The following CCDC146 variants were observed in gnomAD, a reference collection of about 807,000 sequenced individuals.
The protein encoded by CCDC146 is coiled-coil domain containing 146.
A neutral mutation model predicts 119.3 loss-of-function variants in CCDC146; 92 were observed. That is an observed-to-expected ratio of 0.77 (90% CI 0.65 to 0.92). The LOEUF is 0.92. Ranked by LOEUF, CCDC146 falls within the 40% of genes least tolerant of loss-of-function variation. The pLI is 0.00. For synonymous variants in CCDC146, 372 were observed against 371.8 expected (o/e 1.00, Z -0.01); for missense variants, 1,000 against 1,103.0 (o/e 0.91, Z 1.32).
intron 2 of CCDC146, among the ~76,000 whole-genome samples, chr7:77,205,888 G>C (rs1333390505): frequency 6.6e-6 from 1 of 152,048 alleles, no homozygotes; most frequent in Admixed American, 6.5e-5. Context: ...TGAGTCAGAG[G>C]CCATTTTAAA....
chr7:77,233,429 T>C (rs187006031), intron 2 of CCDC146, among the ~76,000 whole-genome samples: 102 of 152,194 alleles, frequency 6.7e-4, no homozygotes, highest in African/African-American at 2.1e-3. Flanking sequence ...TTCATCAAAC[T>C]CTTCATCCCA....
At chr7:77,159,123 A>C (rs1354094172) in intron 1 of CCDC146, among the ~76,000 whole-genome samples, 1 of 152,164 alleles carries the variant, frequency 6.6e-6, no homozygotes, top group African/African-American at 2.4e-5. Flanking sequence ...ATCACCATCC[A>C]AAGTTTTATC....
At chr7:77,263,722 A>G (rs1793346823) in intron 9 of CCDC146, among the ~76,000 whole-genome samples, 1 of 152,194 alleles carries the variant, frequency 6.6e-6, no homozygotes, top group Non-Finnish European at 1.5e-5. Flanking sequence ...TCAGAAGTTC[A>G]AGACCAGCCT....
intron 1 of CCDC146, among the ~76,000 whole-genome samples, chr7:77,135,555 T>C (rs140390440): frequency 2.6e-5 from 4 of 152,308 alleles, no homozygotes; most frequent in East Asian, 3.9e-4. Flanking sequence ...TGTTTTTCCA[T>C]AGGAACTTGT....
Position 77,287,580 on chromosome 7 carries a change from AG to A in CCDC146, c.2415+5del. ...ACACACTGCTCTTAGCCAAGAAGGT[AG>A]GCCTGAGACCCTGCCTTTTCCCTTC... On this transcript the variant is annotated splice_donor_region_variant and intron_variant, in intron 17 of 18. Coordinates refer to ENST00000285871, the MANE Select transcript of CCDC146 (RefSeq NM_020879.3). 1 of 1,612,888 alleles carries A rather than the reference AG, an allele frequency of 6.2e-7. No individual in the cohort carries two copies. The highest frequency in any genetic ancestry group is 1.3e-5 in the African/African-American group (1 of 75,014).
At chr7:77,245,821 G>A (rs558143025) in intron 4 of CCDC146, among the ~76,000 whole-genome samples, 2 of 151,920 alleles carry the variant, frequency 1.3e-5, no homozygotes, top group South Asian at 4.2e-4. Flanking sequence ...AGGTACTCAG[G>A]AGTAGTCACA....
intron 1 of CCDC146, among the ~76,000 whole-genome samples, chr7:77,164,888 A>G (rs1390178118): frequency 1.3e-5 from 2 of 152,204 alleles, no homozygotes; most frequent in African/African-American, 4.8e-5. Flanking sequence ...AGCCAATCCA[A>G]TGAGATTGAC....
intron 1 of CCDC146, among the ~76,000 whole-genome samples, chr7:77,132,751 TAAAC>T (rs1790803419): frequency 6.6e-6 from 1 of 150,672 alleles, no homozygotes; most frequent in African/African-American, 2.4e-5. Flanking sequence ...AATAAGTAAA[TAAAC>T]AAATAAATAA....
chr7:77,193,614 T>C (rs1791810215), intron 2 of CCDC146: 1 of 152,194 alleles, frequency 6.6e-6, no homozygotes, highest in African/African-American at 2.4e-5. Flanking sequence ...ATGTTTTGTA[T>C]ATTTAAGCTC....
At chr7:77,179,116 C>A (rs957302032) in intron 2 of CCDC146, among the ~76,000 whole-genome samples, 4 of 151,884 alleles carry the variant, frequency 2.6e-5, no homozygotes, top group African/African-American at 7.3e-5. Context: ...AAGACAATTA[C>A]TAAAGTTTTC....
chr7:77,288,992 C>T (rs1475738229), intron 17 of CCDC146, among the ~76,000 whole-genome samples: 2 of 152,122 alleles, frequency 1.3e-5, no homozygotes, highest in Non-Finnish European at 2.9e-5. Context: ...GACTATTATG[C>T]TTCTGCTCTG....
chr7:77,161,079 A>G (rs1006784135), intron 1 of CCDC146, among the ~76,000 whole-genome samples: 1 of 152,238 alleles, frequency 6.6e-6, no homozygotes, highest in Non-Finnish European at 1.5e-5. Flanking sequence ...AATCAAAACC[A>G]CAATGAGATA....
chr7:77,266,143 G>A (rs903572880), intron 9 of CCDC146, among the ~76,000 whole-genome samples: 6 of 152,164 alleles, frequency 3.9e-5, no homozygotes, highest in Non-Finnish European at 8.8e-5. Flanking sequence ...AATATCATGA[G>A]TCTGTGAAGT....
At position 77,205,925 on chromosome 7, in the gene CCDC146, A is replaced by G. The variant is rs1054670967; in HGVS notation, c.157-31022A>G. On this transcript the variant is annotated intron_variant, in intron 2 of 18. Coordinates refer to ENST00000285871, the MANE Select transcript of CCDC146 (RefSeq NM_020879.3). Reference sequence around the variant, plus strand: ...AGCGAAATCACCAAGAAAAAGCACAAGAATGTGAAAAACATGGCACTAATT... The same window carrying G: ...AGCGAAATCACCAAGAAAAAGCACAGGAATGTGAAAAACATGGCACTAATT... 2.0e-5 allele frequency among the ~76,000 whole-genome samples: 3 copies of G among 152,264 alleles called. No individual in the cohort carries two copies. In the South Asian group the frequency reaches 6.2e-4, roughly 31 times the overall value.
chr7:77,184,973 A>C (rs1353247664), intron 2 of CCDC146, among the ~76,000 whole-genome samples: 2 of 152,160 alleles, frequency 1.3e-5, no homozygotes, highest in Non-Finnish European at 2.9e-5. Flanking sequence ...GAGGTTTACT[A>C]TGTGTATCTG....
chr7:77,246,120 G>C (rs1792945259), intron 4 of CCDC146, among the ~76,000 whole-genome samples: 1 of 151,730 alleles, frequency 6.6e-6, no homozygotes, highest in African/African-American at 2.4e-5. Context: ...GGGTTCCAAA[G>C]GTGGTTCTCA....
chr7:77,240,980 TTG>T (rs1792832970), intron 3 of CCDC146, among the ~76,000 whole-genome samples: 1 of 149,904 alleles, frequency 6.7e-6, no homozygotes, highest in African/African-American at 2.5e-5. Flanking sequence ...TTGTTTTTTT[TTG>T]TTTGTTTGTT....
At position 77,176,956 on chromosome 7, in the gene CCDC146, C is replaced by A. The variant is rs1311744750; in HGVS notation, c.156+9132C>A. 2.6e-5 allele frequency among the ~76,000 whole-genome samples: 4 copies of A among 151,622 alleles called. No individual in the cohort carries two copies. The East Asian group carries it at 7.8e-4, about 29-fold the overall frequency. On this transcript the variant is annotated intron_variant, in intron 2 of 18. Coordinates refer to ENST00000285871, the MANE Select transcript of CCDC146 (RefSeq NM_020879.3). The stretch of plus-strand genomic sequence containing the variant: ...GCTCAAGCAATCCTCCCACCTCAGC[C>A]CCTGGAGTAGCTGGGACCACCGACA...
At chr7:77,294,540 T>G in intron 18 of CCDC146, 123 bp from the exon 19 acceptor site, 50 of 669,530 alleles carry the variant, frequency 7.5e-5, no homozygotes, top group East Asian at 2.6e-4. Context: ...TCCCATCCCT[T>G]TGGGGAGTAT....
Sources: gnomAD v4.1 joint callset for allele counts (sites outside exome capture counted in the v4.1 genomes callset) on GRCh38, gnomAD v4.1.1 for gene constraint, MANE v1.5 for transcripts, NCBI Gene and HGNC (gene_info 2026-07-23, HGNC 2026-07-21) for gene names.